The following PGBD5 variants were observed in gnomAD, a reference collection of about 807,000 sequenced individuals.
PGBD5 encodes the protein piggyBac transposable element-derived protein 5.
Under a neutral mutation model 47.9 loss-of-function variants are expected in PGBD5, and 14 were observed. The ratio of observed to expected loss-of-function variants is 0.29; its 90% CI spans 0.19 to 0.46. The LOEUF is 0.46. Among genes scored for constraint, PGBD5 ranks in the 20% least tolerant of loss-of-function variants. The pLI is 1.00. For synonymous variants in PGBD5, 316 were observed against 306.3 expected (o/e 1.03, Z -0.33); for missense variants, 635 against 716.0 (o/e 0.89, Z 1.29).
chr1:230,398,265 T>A (rs2102739253), intron 1 of PGBD5, among the ~76,000 whole-genome samples: 2 of 152,330 alleles, frequency 1.3e-5, no homozygotes, highest in Middle Eastern at 6.8e-3. Context: ...AACTTTATTA[T>A]CTCACAGTGC....
In PGBD5 at chr1:230,332,952, C is replaced by A; in HGVS notation, c.1165G>T (p.Ala389Ser). 3 of 1,614,162 alleles carry A rather than the reference C, an allele frequency of 1.9e-6. No homozygotes were observed. The highest frequency in any genetic ancestry group is 2.5e-6 in the Non-Finnish European group (3 of 1,180,004). ...SMLTNPATPP[A>S]RGQYQIKMKG... ...ATCTTGATTTGGTACTGGCCCCGGG[C>A]CGGGGGTGTGGCTGGGTTGGTCAGC... Residue 389 changes from alanine (A) to serine (S), a missense_variant, in exon 5 of 7, where the codon GCC (alanine) becomes TCC (serine). Transcript: ENST00000391860.
intron 1 of PGBD5, among the ~76,000 whole-genome samples, chr1:230,391,383 T>C (rs1295590889): frequency 6.6e-6 from 1 of 152,234 alleles, no homozygotes; most frequent in Non-Finnish European, 1.5e-5. Flanking sequence ...GGAAAAAATA[T>C]GAGTTTGCTG....
chr1:230,421,310 T>C (rs1198618227), intron 1 of PGBD5, among the ~76,000 whole-genome samples: 1 of 151,714 alleles, frequency 6.6e-6, no homozygotes, highest in African/African-American at 2.4e-5. Flanking sequence ...TGTATCCGCT[T>C]CCCCCCAAAA....
intron 1 of PGBD5, chr1:230,368,138 G>C (rs1382615121): frequency 7.3e-7 from 1 of 1,367,884 alleles, no homozygotes; most frequent in South Asian, 1.1e-5. Context: ...TGGTGGTGAG[G>C]AGGAGGCTGC....
chr1:230,381,476 G>A (rs1656490490), intron 1 of PGBD5, among the ~76,000 whole-genome samples: 1 of 152,224 alleles, frequency 6.6e-6, no homozygotes, highest in Non-Finnish European at 1.5e-5. Context: ...GTCTCACGCT[G>A]CAGTGGACCA....
At chr1:230,396,285 TCCCTTTTACCCCCACACTCCTCCC>T (rs1282755570) in intron 1 of PGBD5, among the ~76,000 whole-genome samples, 1 of 65,472 alleles carries the variant, frequency 1.5e-5, no homozygotes, top group Non-Finnish European at 3.1e-5. Context: ...CCCACACTCT[TCCCTTTTACCCCCACACTCCTCCC>T]TTTTACCCCA....
rs766666728 is a variant in PGBD5, at chr1:230,323,669, C to T, written c.1380-49G>A. ...GGCTGACCCGATGGTTCATGGCACC[C>T]GGAGATGCATCCCAAAGGCCCCCCC... On this transcript the variant is annotated intron_variant, in intron 6 of 6. Transcript: ENST00000391860. This position sits in a 1 kb window ranked among gnomAD's most constrained non-coding sequence, Gnocchi z 4.1. 1.3e-5 allele frequency: 20 copies of T among 1,538,994 alleles called. No homozygotes were observed. Among genetic ancestry groups the T allele is most frequent in the East Asian group, 4.5e-5 (2 of 44,094 alleles).
chr1:230,323,228 TGCTCTTCTTGGAATGCAA>T lies in PGBD5; in HGVS notation c.*179_*196del. On this transcript the variant is annotated 3_prime_UTR_variant, in exon 7 of 7. Coordinates refer to ENST00000391860, the MANE Select transcript of PGBD5 (RefSeq NM_001258311.2). The surrounding 1 kb of genome is among the most constrained non-coding windows in gnomAD (Gnocchi z 4.1). Reference sequence around the variant, plus strand: ...CGGCACTGTTTCTCGAGGGAGGACATGCTCTTCTTGGAATGCAAATGAGGACAGCAACCGTCCTCTGAC... The same window carrying T: ...CGGCACTGTTTCTCGAGGGAGGACATATGAGGACAGCAACCGTCCTCTGAC... 1 of 599,672 alleles carries T rather than the reference TGCTCTTCTTGGAATGCAA, an allele frequency of 1.7e-6. No homozygotes were observed. Among genetic ancestry groups the T allele is most frequent in the Non-Finnish European group, 2.9e-6 (1 of 349,288 alleles). The allele number at this position is 599,672 out of a possible 1,614,324, so 37.1% of individuals were successfully genotyped here. A position where few individuals can be genotyped will look rare whatever the true frequency, so the allele number is the denominator to read the frequency against.
chr1:230,325,408 G>A lies in PGBD5; in HGVS notation c.1281C>T (p.Ile427=), dbSNP rs771187297. The A allele has an allele frequency of 6.2e-7, 1 of 1,612,750 alleles. No homozygotes were observed. Among genetic ancestry groups the A allele is most frequent in the Non-Finnish European group, 8.5e-7 (1 of 1,179,174 alleles). ...NAYSPVQQGV[I]IKRKSGEIPC... is the part of the protein sequence containing the mutation. The stretch of plus-strand genomic sequence containing the variant: ...GGATCTCCCCACTCTTCCTTTTGAT[G>A]ATGACTCCTGAAGGCGAGAGACAAG... The change falls in exon 6 of 7, where the codon ATC becomes ATT. Residue 427 remains isoleucine (I), a synonymous_variant. Transcript: ENST00000391860.
chr1:230,421,046 T>C (rs12729707), intron 1 of PGBD5, among the ~76,000 whole-genome samples: 6,663 of 152,204 alleles, frequency 0.044, 185 homozygotes, highest in Non-Finnish European at 0.064. Flanking sequence ...TTTTGGACTC[T>C]AAAACTAGGT....
intron 1 of PGBD5, among the ~76,000 whole-genome samples, chr1:230,415,657 G>C (rs1657496172): frequency 6.6e-6 from 1 of 152,186 alleles, no homozygotes; most frequent in Non-Finnish European, 1.5e-5. Context: ...AGACCTCAGT[G>C]AGAACGTCTG....
At chr1:230,348,057 C>T (rs1667502673) in intron 3 of PGBD5, among the ~76,000 whole-genome samples, 3 of 152,312 alleles carry the variant, frequency 2.0e-5, no homozygotes, top group Admixed American at 1.3e-4. Flanking sequence ...GCAGATGCTA[C>T]GCTAACGAGC....
chr1:230,345,527 T>C (rs1667462376), intron 3 of PGBD5, among the ~76,000 whole-genome samples: 1 of 152,250 alleles, frequency 6.6e-6, no homozygotes, highest in South Asian at 2.1e-4. Context: ...TTCTGGGGTC[T>C]AGGTTAGTCC....
chr1:230,327,715 G>GCAC (rs1277162847), intron 5 of PGBD5, among the ~76,000 whole-genome samples: 1 of 152,226 alleles, frequency 6.6e-6, no homozygotes, highest in Non-Finnish European at 1.5e-5. Flanking sequence ...AGGGCTCAGC[G>GCAC]CACCAGGCGC....
intron 1 of PGBD5, among the ~76,000 whole-genome samples, chr1:230,375,430 C>T (rs1315233438): frequency 6.6e-6 from 1 of 152,136 alleles, no homozygotes; most frequent in African/African-American, 2.4e-5. Flanking sequence ...GCCAGACACA[C>T]AAGGAAGTCA....
chr1:230,405,843 T>C lies in PGBD5; in HGVS notation c.331+19755A>G, dbSNP rs77687527. Among the ~76,000 whole-genome samples the C allele has an allele frequency of 7.4e-4, 113 of 152,348 alleles. 1 individual carries two copies. The East Asian group carries it at 0.016, about 22-fold the overall frequency. On this transcript the variant is annotated intron_variant, in intron 1 of 6. Transcript: ENST00000391860. ...CTGACACCCTTGATTTGATGGGTGA[T>C]TGTTGTCATTTAATAGTGTAGATTC...
At chr1:230,369,814 G>T (rs561647144) in intron 1 of PGBD5, among the ~76,000 whole-genome samples, 11 of 152,238 alleles carry the variant, frequency 7.2e-5, no homozygotes, top group African/African-American at 2.6e-4. Context: ...GGCTGGAGTT[G>T]CTTTCTCCCT....
chr1:230,356,789 G>C, intron 2 of PGBD5, 105 bp downstream of exon 2: 1 of 1,211,630 alleles, frequency 8.3e-7, no homozygotes, highest in Non-Finnish European at 1.2e-6. Context: ...GAACTCAGAG[G>C]GCAGGCAGGG....
At chr1:230,394,127 T>G (rs1343745581) in intron 1 of PGBD5, among the ~76,000 whole-genome samples, 1 of 151,980 alleles carries the variant, frequency 6.6e-6, no homozygotes, top group Admixed American at 6.5e-5. Flanking sequence ...CTATTTTATC[T>G]CCCTGGAGAT....
Sources: gnomAD v4.1 joint callset for allele counts (sites outside exome capture counted in the v4.1 genomes callset) on GRCh38, gnomAD v4.1.1 for gene constraint, Gnocchi (gnomAD v3.1) non-coding constraint, MANE v1.5 for transcripts, NCBI Gene and HGNC (gene_info 2026-07-23, HGNC 2026-07-21) for gene names.